FYN: variants seen among roughly 807,000 people sequenced by gnomAD.
The protein encoded by FYN is tyrosine-protein kinase Fyn.
In FYN, 10 loss-of-function variants were observed where a neutral mutation model predicts 70.2. The ratio of observed to expected loss-of-function variants is 0.14; its 90% CI spans 0.09 to 0.24. The LOEUF (loss-of-function observed/expected upper bound fraction) is 0.24. Ranked by LOEUF, FYN falls within the 10% of genes least tolerant of loss-of-function variation. FYN has a pLI of 1.00. For missense variants in FYN, 319 were observed against 673.1 expected (o/e 0.47, Z 5.82); for synonymous variants, 236 against 248.6 (o/e 0.95, Z 0.48).
chr6:111,832,575 AT>A (rs1199776152), intron 2 of FYN, among the ~76,000 whole-genome samples: 1 of 149,470 alleles, frequency 6.7e-6, no homozygotes, highest in East Asian at 1.9e-4. Flanking sequence ...AACCTTAAAC[AT>A]TTGTCCAACT....
chr6:111,665,561 C>G (rs966336672), intron 13 of FYN, among the ~76,000 whole-genome samples: 22 of 152,180 alleles, frequency 1.4e-4, no homozygotes, highest in African/African-American at 4.6e-4. Context: ...GGCACCAGGG[C>G]AGTTGGGAGA....
chr6:111,813,088 C>T (rs1415416987), intron 2 of FYN, among the ~76,000 whole-genome samples: 1 of 152,116 alleles, frequency 6.6e-6, no homozygotes, highest in Non-Finnish European at 1.5e-5. Context: ...AATTTTAAAC[C>T]TACAAGTGCA....
chr6:111,846,272 C>T (rs527736212), intron 2 of FYN, among the ~76,000 whole-genome samples: 18 of 152,218 alleles, frequency 1.2e-4, no homozygotes, highest in African/African-American at 4.1e-4. Flanking sequence ...CTGAAGGCTC[C>T]TCAGCCATGG....
chr6:111,682,348 C>T (rs1270217347), intron 12 of FYN, among the ~76,000 whole-genome samples: 2 of 152,214 alleles, frequency 1.3e-5, no homozygotes, highest in African/African-American at 2.4e-5. Flanking sequence ...CCAAAGTCAT[C>T]ATGTCAGGAT....
At chr6:111,705,574 A>G (rs1800045420) in intron 6 of FYN, among the ~76,000 whole-genome samples, 1 of 151,980 alleles carries the variant, frequency 6.6e-6, no homozygotes, top group Non-Finnish European at 1.5e-5. Context: ...AGAGGCTAAG[A>G]GTGGTGGCTC....
At chr6:111,717,945 C>A (rs979591470) in intron 4 of FYN, among the ~76,000 whole-genome samples, 1 of 152,224 alleles carries the variant, frequency 6.6e-6, no homozygotes, top group Non-Finnish European at 1.5e-5. Flanking sequence ...AAGCTAGGCT[C>A]ATTTGGCAAC....
chr6:111,830,741 T>C (rs546689397), intron 2 of FYN, among the ~76,000 whole-genome samples: 1 of 152,148 alleles, frequency 6.6e-6, no homozygotes, highest in East Asian at 1.9e-4. Context: ...GGGAGAAGTT[T>C]ATGACAACCT....
At chr6:111,800,205 A>T (rs1484264000) in intron 2 of FYN, among the ~76,000 whole-genome samples, 1 of 152,224 alleles carries the variant, frequency 6.6e-6, no homozygotes, top group Non-Finnish European at 1.5e-5. Context: ...CACATCAATG[A>T]GAGAATAAAT....
At chr6:111,777,952 G>A (rs897502045) in intron 3 of FYN, among the ~76,000 whole-genome samples, 1 of 152,196 alleles carries the variant, frequency 6.6e-6, no homozygotes, top group African/African-American at 2.4e-5. Context: ...ACTTTTAGGA[G>A]CTCCTTTCTT....
chr6:111,731,731 G>C (rs1237255812), intron 3 of FYN, among the ~76,000 whole-genome samples: 1 of 152,140 alleles, frequency 6.6e-6, no homozygotes, highest in African/African-American at 2.4e-5. Context: ...AATGGCTCAG[G>C]AGGACGGGAA....
intron 2 of FYN, among the ~76,000 whole-genome samples, chr6:111,783,395 T>A (rs1342342470): frequency 2.0e-5 from 3 of 152,218 alleles, no homozygotes; most frequent in South Asian, 2.1e-4. Flanking sequence ...CACACTCTTT[T>A]TATACTTAAG....
intron 3 of FYN, among the ~76,000 whole-genome samples, chr6:111,775,590 G>A (rs894335481): frequency 2.0e-5 from 3 of 152,202 alleles, no homozygotes; most frequent in African/African-American, 7.2e-5. Flanking sequence ...TAAAGGCGGG[G>A]CCAGACTGCT....
chr6:111,778,005 C>G (rs1336978385), intron 3 of FYN, among the ~76,000 whole-genome samples: 1 of 152,222 alleles, frequency 6.6e-6, no homozygotes, highest in Non-Finnish European at 1.5e-5. Flanking sequence ...CATGACCAGA[C>G]ACTTCATACT....
intron 3 of FYN, among the ~76,000 whole-genome samples, chr6:111,743,448 T>C (rs1448337902): frequency 6.6e-6 from 1 of 152,230 alleles, no homozygotes; most frequent in African/African-American, 2.4e-5. Context: ...ATGAAATACT[T>C]TGAGTAATTC....
intron 2 of FYN, among the ~76,000 whole-genome samples, chr6:111,794,661 C>G (rs564217633): frequency 1.3e-5 from 2 of 152,226 alleles, no homozygotes; most frequent in Admixed American, 1.3e-4. Flanking sequence ...GGAGATTATA[C>G]AAAATTAAAA....
At chr6:111,666,723 T>C (rs1798028244) in intron 13 of FYN, among the ~76,000 whole-genome samples, 1 of 152,106 alleles carries the variant, frequency 6.6e-6, no homozygotes. Context: ...GTCCCAGCTG[T>C]TCAGGAGGCT....
At chr6:111,839,419 T>C (rs939714037) in intron 2 of FYN, among the ~76,000 whole-genome samples, 11 of 152,254 alleles carry the variant, frequency 7.2e-5, no homozygotes, top group Middle Eastern at 3.4e-3. Flanking sequence ...TAAGGATTTT[T>C]ATCACACATA....
chr6:111,857,620 A>G (rs759680691), intron 1 of FYN, among the ~76,000 whole-genome samples: 16 of 152,226 alleles, frequency 1.1e-4, no homozygotes, highest in Non-Finnish European at 1.8e-4. Context: ...CTACCTAACA[A>G]TATAAAAAGA....
chr6:111,711,865 C>G (rs147676574), intron 5 of FYN, among the ~76,000 whole-genome samples: 20 of 152,284 alleles, frequency 1.3e-4, no homozygotes, highest in African/African-American at 4.6e-4. Context: ...TTTTTCTTTT[C>G]TATAACCTTG....
Sources: gnomAD v4.1 joint callset for allele counts (sites outside exome capture counted in the v4.1 genomes callset) on GRCh38, gnomAD v4.1.1 for gene constraint, MANE v1.5 for transcripts, NCBI Gene and HGNC (gene_info 2026-07-23, HGNC 2026-07-21) for gene names.